PSG3: variants seen among roughly 807,000 people sequenced by gnomAD.
The protein encoded by PSG3 is pregnancy specific beta-1-glycoprotein 3.
PSG3 carries 61 observed loss-of-function variants against 47.5 expected under a neutral mutation model. That is an observed-to-expected ratio of 1.28 (90% CI 1.05 to 1.59). The LOEUF (loss-of-function observed/expected upper bound fraction) is 1.59, where lower values mean the gene tolerates loss of function less well. Among genes scored for constraint, PSG3 ranks in the 40% most tolerant of loss-of-function variants. The pLI is 0.00. For synonymous variants in PSG3, 263 were observed against 198.4 expected (o/e 1.33, Z -2.74); for missense variants, 756 against 524.0 (o/e 1.44, Z -4.32).
At position 42,734,736 on chromosome 19, in the gene PSG3, C is replaced by T. The variant is rs542322234; in HGVS notation, c.431-1674G>A. On this transcript the variant is annotated intron_variant, in intron 2 of 6. Transcript: ENST00000327495. ...AGTAGAGAGAGTCCCGTTAAAAGGACAGAACTGGTTAGTGTGTCAATTGCA... is the reference window on the plus strand; with the variant it reads ...AGTAGAGAGAGTCCCGTTAAAAGGATAGAACTGGTTAGTGTGTCAATTGCA... Among the ~76,000 whole-genome samples, 18 of 152,256 alleles carry T rather than the reference C, an allele frequency of 1.2e-4. No homozygotes were observed. The East Asian group carries it at 2.7e-3, about 23-fold the overall frequency.
chr19:42,724,037 A>G lies in PSG3; in HGVS notation c.1244-12T>C. ...TGTTCCTGAAGGAGCTGTCATGGAA[A>G]AAAAAGAAAAGAAGGAATGAAGATG... On this transcript the variant is annotated splice_polypyrimidine_tract_variant and intron_variant, in intron 5 of 6. Coordinates refer to ENST00000327495, the MANE Select transcript of PSG3 (RefSeq NM_021016.4). 6 of 1,608,442 alleles carry G rather than the reference A, an allele frequency of 3.7e-6. No homozygotes were observed. Among genetic ancestry groups the G allele is most frequent in the Non-Finnish European group, 5.1e-6 (6 of 1,174,852 alleles).
intron 2 of PSG3, among the ~76,000 whole-genome samples, chr19:42,738,066 T>A (rs1969596150): frequency 6.6e-6 from 1 of 152,232 alleles, no homozygotes; most frequent in Non-Finnish European, 1.5e-5. Context: ...TTCTATGGAC[T>A]GGCCTAAGCC....
intron 6 of PSG3, among the ~76,000 whole-genome samples, chr19:42,723,296 A>G (rs56315333): frequency 2.0e-5 from 3 of 152,194 alleles, no homozygotes; most frequent in African/African-American, 4.8e-5. Flanking sequence ...TGCAGATGGT[A>G]GAGGGGATTT....
At chr19:42,722,344 G>A (rs551623499) in intron 6 of PSG3, among the ~76,000 whole-genome samples, 39 of 152,222 alleles carry the variant, frequency 2.6e-4, no homozygotes, top group Middle Eastern at 6.8e-3. Context: ...TCCGCCTCCC[G>A]GGTTCCTGCC....
At chr19:42,730,893 G>A (rs1969462284) in intron 3 of PSG3, among the ~76,000 whole-genome samples, 1 of 152,236 alleles carries the variant, frequency 6.6e-6, no homozygotes, top group South Asian at 2.1e-4. Context: ...CTGACTGGTG[G>A]AAAGGGTGGG....
rs560792134 is a variant in PSG3, at chr19:42,734,997, A to C, written c.431-1935T>G. ...GCCAATGGTTTGTGTGTCTCCCCAC[A>C]CGCAGAACTCCAACTTATGAAAACG... On this transcript the variant is annotated intron_variant, in intron 2 of 6. Coordinates refer to ENST00000327495, the MANE Select transcript of PSG3 (RefSeq NM_021016.4). Among the ~76,000 whole-genome samples, 13 of 152,334 alleles carry C rather than the reference A, an allele frequency of 8.5e-5. No homozygotes were observed. In the East Asian group the frequency reaches 1.7e-3, roughly 20 times the overall value.
In PSG3 at chr19:42,739,430, G is replaced by A. The variant is rs140756172; in HGVS notation, c.65-341C>T. ...GGCATCCTTAGACTTCTTTCCTGAC[G>A]CCTCCTTCAGAGACCCTGGGTCTTC... On this transcript the variant is annotated intron_variant, in intron 1 of 6. Coordinates refer to ENST00000327495, the MANE Select transcript of PSG3 (RefSeq NM_021016.4). 2,173 of 264,104 alleles carry A rather than the reference G, an allele frequency of 8.2e-3. 22 individuals are homozygous for A. The highest frequency in any genetic ancestry group is 0.03 in the African/African-American group (1,351 of 45,790). The allele number at this position is 264,104 out of a possible 1,614,324, so 16.4% of individuals were successfully genotyped here. A position where few individuals can be genotyped will look rare whatever the true frequency, so the allele number is the denominator to read the frequency against.
At chr19:42,739,891 G>T (rs957858933) in intron 1 of PSG3, among the ~76,000 whole-genome samples, 12 of 151,932 alleles carry the variant, frequency 7.9e-5, no homozygotes, top group African/African-American at 1.9e-4. Flanking sequence ...TGTCCCTCTT[G>T]GGTGTATTTT....
At chr19:42,728,745 T>C (rs1969414900) in intron 5 of PSG3, among the ~76,000 whole-genome samples, 1 of 152,204 alleles carries the variant, frequency 6.6e-6, no homozygotes, top group Non-Finnish European at 1.5e-5. Flanking sequence ...CGGATGTTCC[T>C]TGTAGCTCAT....
rs756766489 is a variant in PSG3, at chr19:42,729,963, T to G, written c.803A>C (p.Asn268Thr). The part of the protein sequence containing the change: ...LAFTCEPKSE[N>T]YTYIWWLNGQ... ...ATTTAGCCACCAAATGTAGGTGTAG[T>G]TCTCACTCTTAGGTTCACAGGTGAA... Residue 268 changes from asparagine (N) to threonine (T), a missense_variant, in exon 4 of 7, where the codon AAC (asparagine) becomes ACC (threonine). Asn to Thr is a moderately conservative substitution (Grantham distance 65, BLOSUM62 0). Transcript: ENST00000327495. The G allele has an allele frequency of 1.6e-5, 25 of 1,611,866 alleles. No homozygotes were observed. The highest frequency in any genetic ancestry group is 2.0e-5 in the Non-Finnish European group (24 of 1,179,792).
chr19:42,740,315 C>A lies in PSG3; in HGVS notation c.64+6G>T, dbSNP rs1290260776. 1.9e-6 allele frequency: 3 copies of A among 1,612,830 alleles called. No homozygotes were observed. Among genetic ancestry groups the A allele is most frequent in the Admixed American group, 1.7e-5 (1 of 59,912 alleles). On this transcript the variant is annotated splice_donor_region_variant and intron_variant, in intron 1 of 6. Coordinates refer to ENST00000327495, the MANE Select transcript of PSG3 (RefSeq NM_021016.4). The stretch of plus-strand genomic sequence containing the variant: ...CCTGTCCTCTCCCAGGAAGTTCTCT[C>A]CTCACCTGTGAGCAGGAGCCCCTTC...
At chr19:42,730,888 T>A (rs1969462214) in intron 3 of PSG3, among the ~76,000 whole-genome samples, 1 of 152,212 alleles carries the variant, frequency 6.6e-6, no homozygotes, top group Admixed American at 6.5e-5. Flanking sequence ...CAGCACTGAC[T>A]GGTGGAAAGG....
chr19:42,726,433 A>G (rs1969378939), intron 5 of PSG3, among the ~76,000 whole-genome samples: 3 of 152,248 alleles, frequency 2.0e-5, no homozygotes, highest in Non-Finnish European at 4.4e-5. Context: ...AAATAAATTC[A>G]GTAATGTTGC....
Position 42,730,014 on chromosome 19 carries a change from G to T in PSG3, c.752C>A (p.Pro251His). 1.2e-6 allele frequency: 2 copies of T among 1,612,468 alleles called. No homozygotes were observed. Among genetic ancestry groups the T allele is most frequent in the Non-Finnish European group, 1.7e-6 (2 of 1,179,832 alleles). The change falls in exon 4 of 7, where the codon CCC becomes CAC. Residue 251 changes from proline (P) to histidine (H), a missense_variant. Coordinates refer to ENST00000327495, the MANE Select transcript of PSG3 (RefSeq NM_021016.4). ...GGCTAAGACATCCTTATTCTCCCTG[G>T]GGTTTAAGTTGTTGATGGTGATGTA... ...KPYITINNLN[P>H]RENKDVLAFT... is the part of the protein sequence containing the mutation.
intron 3 of PSG3, 196 bp downstream of exon 3, chr19:42,732,588 G>T: frequency 7.6e-7 from 1 of 1,312,162 alleles, no homozygotes; most frequent in Non-Finnish European, 1.1e-6. Flanking sequence ...CCCATGACAG[G>T]AGCAGCCTCT....
intron 6 of PSG3, among the ~76,000 whole-genome samples, chr19:42,722,605 A>AGCATC (rs1381998026): frequency 6.6e-6 from 1 of 152,204 alleles, no homozygotes; most frequent in Admixed American, 6.5e-5. Context: ...GAGGAGGTTT[A>AGCATC]GCATCACTTA....
chr19:42,740,290 C>A, intron 1 of PSG3, 31 bp downstream of exon 1: 1 of 1,613,840 alleles, frequency 6.2e-7, no homozygotes, highest in South Asian at 1.1e-5. Flanking sequence ...GCTTCCTCCT[C>A]CTGTCCTCTC....
chr19:42,739,842 T>TA (rs1236110322), intron 1 of PSG3, among the ~76,000 whole-genome samples: 2 of 152,234 alleles, frequency 1.3e-5, no homozygotes, highest in African/African-American at 2.4e-5. Flanking sequence ...TCCTACCTCT[T>TA]ACCAATTCTG....
At chr19:42,728,781 G>A (rs182562548) in intron 5 of PSG3, among the ~76,000 whole-genome samples, 152 of 152,298 alleles carry the variant, frequency 1.0e-3, no homozygotes, top group Non-Finnish European at 1.7e-3. Context: ...AAACAAAGAC[G>A]TGGCAGAAGG....
Sources: allele counts gnomAD v4.1 joint callset (sites outside exome capture counted in the v4.1 genomes callset), GRCh38; gene constraint gnomAD v4.1.1; transcripts MANE v1.5; gene names NCBI Gene and HGNC (gene_info 2026-07-23, HGNC 2026-07-21).